CCSER1: variants seen among roughly 807,000 people sequenced by gnomAD.
CCSER1 encodes serine-rich coiled-coil domain-containing protein 1.
A neutral mutation model predicts 82.0 loss-of-function variants in CCSER1; 41 were observed. That is an observed-to-expected ratio of 0.50 (90% CI 0.39 to 0.65). The LOEUF (loss-of-function observed/expected upper bound fraction) is 0.65. Among genes scored for constraint, CCSER1 ranks in the 30% least tolerant of loss-of-function variants. The pLI is 0.00. For missense variants in CCSER1, 1,119 were observed against 1,064.2 expected, an observed-to-expected ratio of 1.05 and a Z score of -0.72; for synonymous variants, 414 against 383.9, an observed-to-expected ratio of 1.08 and a Z score of -0.92.
chr4:91,302,342 T>C (rs1391517188), intron 10 of CCSER1, among the ~76,000 whole-genome samples: 3 of 152,032 alleles, frequency 2.0e-5, no homozygotes, highest in Non-Finnish European at 4.4e-5. Flanking sequence ...GCAACGTTGT[T>C]TTAAGCAGCA....
chr4:91,269,653 T>C (rs1489409945), intron 10 of CCSER1, among the ~76,000 whole-genome samples: 1 of 152,230 alleles, frequency 6.6e-6, no homozygotes, highest in Non-Finnish European at 1.5e-5. Flanking sequence ...ATTTTTATTT[T>C]ACTTGTGAAT....
intron 9 of CCSER1, among the ~76,000 whole-genome samples, chr4:91,038,395 T>C (rs1741636146): frequency 6.6e-6 from 1 of 152,058 alleles, no homozygotes; most frequent in Non-Finnish European, 1.5e-5. Flanking sequence ...TAATGTTCCT[T>C]AACCAAGGCT....
intron 5 of CCSER1, among the ~76,000 whole-genome samples, chr4:90,618,096 CTGAT>C (rs112224282): frequency 0.027 from 4,172 of 151,974 alleles, 182 homozygotes; most frequent in African/African-American, 0.096. Flanking sequence ...TGTATGAAAT[CTGAT>C]TGGGAAGATT....
At chr4:90,915,356 C>T (rs1485398106) in intron 8 of CCSER1, among the ~76,000 whole-genome samples, 1 of 152,164 alleles carries the variant, frequency 6.6e-6, no homozygotes, top group Non-Finnish European at 1.5e-5. Context: ...TGAGGCGGTT[C>T]AGCATACGCA....
intron 10 of CCSER1, among the ~76,000 whole-genome samples, chr4:91,292,313 T>C (rs928009795): frequency 1.2e-4 from 19 of 152,020 alleles, no homozygotes; most frequent in Admixed American, 2.6e-4. Flanking sequence ...CTGTTATTTC[T>C]CTTGTTTGAA....
chr4:90,237,933 G>A (rs1425553889), intron 1 of CCSER1, among the ~76,000 whole-genome samples: 1 of 152,184 alleles, frequency 6.6e-6, no homozygotes, highest in Admixed American at 6.5e-5. Flanking sequence ...GTTGCTCAGT[G>A]AGCCCTGCTA....
At chr4:91,580,231 ATTT>A (rs980574028) in intron 10 of CCSER1, among the ~76,000 whole-genome samples, 1 of 151,690 alleles carries the variant, frequency 6.6e-6, no homozygotes, top group Non-Finnish European at 1.5e-5. Context: ...ATCCATGGAA[ATTT>A]TCTTTTGGTG....
At chr4:90,456,447 T>C (rs747580208) in intron 4 of CCSER1, among the ~76,000 whole-genome samples, 5 of 151,950 alleles carry the variant, frequency 3.3e-5, no homozygotes, top group South Asian at 2.1e-4. Flanking sequence ...AGACTGGAGG[T>C]CCTAGTGCTG....
chr4:90,243,585 G>A, intron 1 of CCSER1, among the ~76,000 whole-genome samples: 1 of 151,498 alleles, frequency 6.6e-6, no homozygotes, highest in South Asian at 2.1e-4. Context: ...GGGGGGTCTT[G>A]CTTTGTTGCC....
chr4:90,239,790 ATTTGTT>A (rs1746500392), intron 1 of CCSER1, among the ~76,000 whole-genome samples: 3 of 152,000 alleles, frequency 2.0e-5, no homozygotes, highest in Admixed American at 2.0e-4. Context: ...CTGTATTTTT[ATTTGTT>A]CTTAGTTGTA....
chr4:91,158,110 G>C (rs982706025), intron 10 of CCSER1, among the ~76,000 whole-genome samples: 1 of 151,992 alleles, frequency 6.6e-6, no homozygotes, highest in Non-Finnish European at 1.5e-5. Context: ...TGAAGTTTCA[G>C]TGTTAGATTT....
rs138607261 is a variant in CCSER1 at position 90,580,584 on chromosome 4, G to A, written c.1725-47441G>A. ...AGACCTATAGAAATACTCTTACCAGGCAGAATATTCCAAGGGCTCAGAGCT... is the reference window on the plus strand; with the variant it reads ...AGACCTATAGAAATACTCTTACCAGACAGAATATTCCAAGGGCTCAGAGCT... On this transcript the variant is annotated intron_variant, in intron 5 of 10. Coordinates refer to ENST00000509176, the MANE Select transcript of CCSER1 (RefSeq NM_001145065.2). Among the ~76,000 whole-genome samples, 6 of 152,290 alleles carry A rather than the reference G, an allele frequency of 3.9e-5. No individual in the cohort carries two copies. The South Asian group carries it at 6.2e-4, about 16-fold the overall frequency.
chr4:90,779,761 T>C (rs1219383019), intron 7 of CCSER1, among the ~76,000 whole-genome samples: 1 of 152,178 alleles, frequency 6.6e-6, no homozygotes, highest in Non-Finnish European at 1.5e-5. Flanking sequence ...TCCTGGCCAA[T>C]GGACCAGAGG....
At chr4:91,597,543 G>T (rs1764642350) in intron 10 of CCSER1, among the ~76,000 whole-genome samples, 1 of 152,094 alleles carries the variant, frequency 6.6e-6, no homozygotes, top group African/African-American at 2.4e-5. Context: ...AATTCTTGGG[G>T]AAGAATGAGT....
intron 8 of CCSER1, among the ~76,000 whole-genome samples, chr4:90,886,598 T>A (rs1722156539): frequency 6.6e-6 from 1 of 152,188 alleles, no homozygotes; most frequent in Non-Finnish European, 1.5e-5. Context: ...GTAAAAATTG[T>A]AATAAAAATA....
At chr4:91,007,326 A>T (rs538536601) in intron 9 of CCSER1, among the ~76,000 whole-genome samples, 9 of 152,362 alleles carry the variant, frequency 5.9e-5, no homozygotes, top group Admixed American at 5.9e-4. Flanking sequence ...GAAGAATTTC[A>T]TCCCTTCAAT....
chr4:90,577,717 T>A (rs967084033), intron 5 of CCSER1, among the ~76,000 whole-genome samples: 1 of 152,166 alleles, frequency 6.6e-6, no homozygotes, highest in Admixed American at 6.5e-5. Context: ...TTGTATCATA[T>A]TTTTAAGAGT....
intron 5 of CCSER1, among the ~76,000 whole-genome samples, chr4:90,575,043 C>T (rs10018287): frequency 0.35 from 52,680 of 151,892 alleles, 9,740 homozygotes; most frequent in East Asian, 0.51. Context: ...CTTTATACAC[C>T]ACTCCCTGGT....
intron 5 of CCSER1, among the ~76,000 whole-genome samples, chr4:90,521,127 T>C (rs1773062458): frequency 6.6e-6 from 1 of 152,216 alleles, no homozygotes; most frequent in Non-Finnish European, 1.5e-5. Flanking sequence ...TTTCTGATTC[T>C]CTTTGCTTTA....
Sources: gnomAD v4.1 joint callset for allele counts (sites outside exome capture counted in the v4.1 genomes callset) on GRCh38, gnomAD v4.1.1 for gene constraint, MANE v1.5 for transcripts, NCBI Gene and HGNC (gene_info 2026-07-23, HGNC 2026-07-21) for gene names.